RAB3C: variants seen among roughly 807,000 people sequenced by gnomAD.
RAB3C encodes the protein ras-related protein Rab-3C.
RAB3C carries 17 observed loss-of-function variants against 26.4 expected under a neutral mutation model. The ratio of observed to expected loss-of-function variants is 0.64; its 90% confidence interval spans 0.44 to 0.97. The LOEUF is 0.97. RAB3C is among the 50% of genes least tolerant of loss of function. The pLI, the probability that RAB3C is intolerant of heterozygous loss-of-function variation, is 0.00. For synonymous variants in RAB3C, 91 were observed against 95.9 expected, an observed-to-expected ratio of 0.95 and a Z score of 0.30; for missense variants, 242 against 281.9, an observed-to-expected ratio of 0.86 and a Z score of 1.01.
intron 1 of RAB3C, among the ~76,000 whole-genome samples, chr5:58,585,722 C>T (rs1745996413): frequency 6.6e-6 from 1 of 151,970 alleles, no homozygotes; most frequent in Non-Finnish European, 1.5e-5. Flanking sequence ...AGGTAGTTAT[C>T]TTTGATATGT....
At chr5:58,780,956 A>C (rs1561128008) in intron 3 of RAB3C, among the ~76,000 whole-genome samples, 1 of 152,084 alleles carries the variant, frequency 6.6e-6, no homozygotes, top group Non-Finnish European at 1.5e-5. Flanking sequence ...CCTATCTTGT[A>C]GTCTGTAACT....
intron 2 of RAB3C, among the ~76,000 whole-genome samples, chr5:58,723,920 G>A (rs543975915): frequency 1.3e-4 from 20 of 151,742 alleles, no homozygotes; most frequent in East Asian, 1.2e-3. Flanking sequence ...GGAAAGTGGC[G>A]AAGAGAGAAA....
At chr5:58,721,669 T>C (rs1740769736) in intron 2 of RAB3C, among the ~76,000 whole-genome samples, 1 of 151,834 alleles carries the variant, frequency 6.6e-6, no homozygotes. Flanking sequence ...TGCTAATGAG[T>C]TTATAATCCT....
At chr5:58,627,914 T>C (rs1191384989) in intron 2 of RAB3C, among the ~76,000 whole-genome samples, 2 of 152,080 alleles carry the variant, frequency 1.3e-5, no homozygotes, top group South Asian at 2.1e-4. Context: ...TCCTAGCACA[T>C]TGGGAAGCTG....
At chr5:58,633,962 C>T (rs1747237660) in intron 2 of RAB3C, among the ~76,000 whole-genome samples, 1 of 147,604 alleles carries the variant, frequency 6.8e-6, no homozygotes. Flanking sequence ...GAAACCCCAT[C>T]TCTACTAAAA....
intron 2 of RAB3C, among the ~76,000 whole-genome samples, chr5:58,693,291 TA>T (rs1287665837): frequency 1.4e-5 from 2 of 141,286 alleles, no homozygotes; most frequent in African/African-American, 2.7e-5. Flanking sequence ...TATAATTATA[TA>T]AATTTAATTA....
chr5:58,652,439 T>A (rs1054145889), intron 2 of RAB3C, among the ~76,000 whole-genome samples: 3 of 151,864 alleles, frequency 2.0e-5, no homozygotes, highest in Non-Finnish European at 2.9e-5. Context: ...TTTCTTAAAA[T>A]GTAATGAGTT....
intron 3 of RAB3C, among the ~76,000 whole-genome samples, chr5:58,806,786 T>C (rs1185723293): frequency 6.6e-6 from 1 of 152,122 alleles, no homozygotes; most frequent in Non-Finnish European, 1.5e-5. Context: ...AATAATCAGA[T>C]GGAAACCCAT....
At chr5:58,851,099 A>G (rs1216646047) in intron 4 of RAB3C, 65 bp from the exon 5 acceptor site, 1 of 1,477,172 alleles carries the variant, frequency 6.8e-7, no homozygotes, top group Non-Finnish European at 9.2e-7. Context: ...GAAAGCCATA[A>G]TCAAGTCCCA....
intron 3 of RAB3C, among the ~76,000 whole-genome samples, chr5:58,734,993 T>C (rs1449199964): frequency 6.6e-6 from 1 of 152,218 alleles, no homozygotes; most frequent in Non-Finnish European, 1.5e-5. Flanking sequence ...TATACCTTAT[T>C]TAATATATAC....
At chr5:58,684,468 C>G (rs1748405760) in intron 2 of RAB3C, among the ~76,000 whole-genome samples, 1 of 152,148 alleles carries the variant, frequency 6.6e-6, no homozygotes, top group Non-Finnish European at 1.5e-5. Flanking sequence ...TATGGGGTGC[C>G]ACAGTTAGTA....
At chr5:58,830,062 A>C (rs538167768) in intron 4 of RAB3C, among the ~76,000 whole-genome samples, 1 of 152,318 alleles carries the variant, frequency 6.6e-6, no homozygotes, top group East Asian at 1.9e-4. Flanking sequence ...AAGGGCATGA[A>C]GTTCTATGAA....
chr5:58,604,683 C>G (rs950233420), intron 1 of RAB3C, among the ~76,000 whole-genome samples: 5 of 152,190 alleles, frequency 3.3e-5, no homozygotes, highest in African/African-American at 7.2e-5. Flanking sequence ...AATTCTGTTT[C>G]CAGGTGGAGG....
intron 2 of RAB3C, among the ~76,000 whole-genome samples, chr5:58,635,200 CCT>C (rs1317930614): frequency 2.6e-5 from 4 of 152,280 alleles, no homozygotes; most frequent in Non-Finnish European, 5.9e-5. Context: ...TATCAGCTCT[CCT>C]CTGTTTTTCT....
chr5:58,785,129 T>C (rs1034270818), intron 3 of RAB3C, among the ~76,000 whole-genome samples: 1 of 152,214 alleles, frequency 6.6e-6, no homozygotes, highest in African/African-American at 2.4e-5. Context: ...CAATTGGTCA[T>C]TCTGAAAACC....
intron 2 of RAB3C, among the ~76,000 whole-genome samples, chr5:58,660,328 T>C (rs540905135): frequency 2.0e-5 from 3 of 150,178 alleles, no homozygotes; most frequent in East Asian, 3.9e-4. Context: ...AAATAGTCCC[T>C]GAGACTGACA....
At chr5:58,627,471 T>TAAAAAAAA (rs58104232) in intron 2 of RAB3C, among the ~76,000 whole-genome samples, 3 of 68,422 alleles carry the variant, frequency 4.4e-5, no homozygotes, top group Non-Finnish European at 9.6e-5. Context: ...GACTCCGTCT[T>TAAAAAAAA]AAAAAAAAAA....
At chr5:58,743,889 C>T (rs958207473) in intron 3 of RAB3C, among the ~76,000 whole-genome samples, 2 of 152,136 alleles carry the variant, frequency 1.3e-5, no homozygotes, top group Non-Finnish European at 2.9e-5. Context: ...TTGGAAAATA[C>T]ACAAATAGAT....
intron 2 of RAB3C, among the ~76,000 whole-genome samples, chr5:58,715,104 G>C (rs2111902615): frequency 6.6e-6 from 1 of 152,038 alleles, no homozygotes; most frequent in South Asian, 2.1e-4. Flanking sequence ...TTTCTAACAA[G>C]TACCAGAGAT....
Sources: allele counts gnomAD v4.1 joint callset (sites outside exome capture counted in the v4.1 genomes callset), GRCh38; gene constraint gnomAD v4.1.1; transcripts MANE v1.5; gene names NCBI Gene and HGNC (gene_info 2026-07-23, HGNC 2026-07-21).